CCBE1: variants seen among roughly 807,000 people sequenced by gnomAD.
CCBE1 encodes the protein collagen and calcium binding EGF domains 1, also known as collagen and calcium-binding EGF domain-containing protein 1.
A neutral mutation model predicts 50.0 loss-of-function variants in CCBE1; 37 were observed. That is an observed-to-expected ratio of 0.74 (90% CI 0.57 to 0.97). The LOEUF (loss-of-function observed/expected upper bound fraction) is 0.97. Among genes scored for constraint, CCBE1 ranks in the 50% least tolerant of loss-of-function variants. CCBE1 has a pLI of 0.00. For synonymous variants in CCBE1, 234 were observed against 203.7 expected, an observed-to-expected ratio of 1.15 and a Z score of -1.27; for missense variants, 538 against 523.8, an observed-to-expected ratio of 1.03 and a Z score of -0.26.
chr18:59,598,298 T>C (rs1414759218), intron 2 of CCBE1, among the ~76,000 whole-genome samples: 2 of 152,186 alleles, frequency 1.3e-5, no homozygotes, highest in Non-Finnish European at 2.9e-5. Flanking sequence ...TCTGTTGTGA[T>C]ACAGAAAGTC....
At chr18:59,474,697 T>C (rs766619207) in intron 3 of CCBE1, among the ~76,000 whole-genome samples, 1 of 152,196 alleles carries the variant, frequency 6.6e-6, no homozygotes, top group Admixed American at 6.5e-5. Context: ...AAAGGCAATA[T>C]CCTGTCTGTA....
intron 2 of CCBE1, among the ~76,000 whole-genome samples, chr18:59,665,478 C>T (rs565264079): frequency 3.0e-4 from 45 of 152,198 alleles, no homozygotes; most frequent in African/African-American, 8.7e-4. Context: ...AGCAATTTAA[C>T]GGGAAAATTC....
At chr18:59,560,079 G>T (rs1334660365) in intron 2 of CCBE1, among the ~76,000 whole-genome samples, 2 of 152,240 alleles carry the variant, frequency 1.3e-5, no homozygotes, top group African/African-American at 4.8e-5. Flanking sequence ...AGAAGCAGCA[G>T]TGCCCCTCTT....
At chr18:59,469,343 G>A (rs139776549) in intron 4 of CCBE1, 130 bp downstream of exon 4, 7 of 1,249,998 alleles carry the variant, frequency 5.6e-6, no homozygotes, top group African/African-American at 2.9e-5. Flanking sequence ...GCAGTGATAA[G>A]CTATCCCTAG....
At chr18:59,609,298 T>G (rs1389776263) in intron 2 of CCBE1, among the ~76,000 whole-genome samples, 1 of 152,226 alleles carries the variant, frequency 6.6e-6, no homozygotes, top group Non-Finnish European at 1.5e-5. Flanking sequence ...CAAATCTCTG[T>G]GCCCCAGACT....
At chr18:59,515,948 C>A (rs1356383711) in intron 2 of CCBE1, among the ~76,000 whole-genome samples, 16 of 151,934 alleles carry the variant, frequency 1.1e-4, no homozygotes. Flanking sequence ...GATGCTCAAG[C>A]AACATTTGTG....
intron 2 of CCBE1, among the ~76,000 whole-genome samples, chr18:59,628,994 T>A (rs969291259): frequency 6.6e-6 from 1 of 152,132 alleles, no homozygotes; most frequent in Non-Finnish European, 1.5e-5. Flanking sequence ...CACAGCCTCC[T>A]AAGGGATCCC....
chr18:59,468,936 C>T (rs1480731051), intron 4 of CCBE1, among the ~76,000 whole-genome samples: 7 of 151,772 alleles, frequency 4.6e-5, no homozygotes, highest in African/African-American at 1.2e-4. Flanking sequence ...GAAAATGAGC[C>T]ATAAAGCTGC....
chr18:59,469,325 G>T, intron 4 of CCBE1, 148 bp downstream of exon 4: 4 of 1,121,424 alleles, frequency 3.6e-6, no homozygotes, highest in South Asian at 1.3e-5. Context: ...TAGTAATTGT[G>T]ATGAAGGGCA....
At chr18:59,596,193 T>G (rs1359382981) in intron 2 of CCBE1, among the ~76,000 whole-genome samples, 3 of 152,174 alleles carry the variant, frequency 2.0e-5, no homozygotes, top group Non-Finnish European at 4.4e-5. Flanking sequence ...TTCAAAAGTG[T>G]AGCTCAAACC....
intron 2 of CCBE1, among the ~76,000 whole-genome samples, chr18:59,641,038 T>C (rs2053981863): frequency 6.6e-6 from 1 of 152,200 alleles, no homozygotes; most frequent in East Asian, 1.9e-4. Context: ...GGAATGTAAA[T>C]TAGTTCAGCC....
At chr18:59,499,953 AG>A (rs1244073893) in intron 2 of CCBE1, among the ~76,000 whole-genome samples, 1 of 152,126 alleles carries the variant, frequency 6.6e-6, no homozygotes, top group African/African-American at 2.4e-5. Flanking sequence ...ATTGGAGTTC[AG>A]GGGGCTTTGG....
intron 2 of CCBE1, among the ~76,000 whole-genome samples, chr18:59,598,966 A>C (rs1266673170): frequency 1.3e-5 from 2 of 152,186 alleles, no homozygotes; most frequent in African/African-American, 4.8e-5. Flanking sequence ...GAAACATCAA[A>C]TCCTTGTGAT....
chr18:59,599,303 C>T (rs2053398657), intron 2 of CCBE1, among the ~76,000 whole-genome samples: 2 of 152,134 alleles, frequency 1.3e-5, no homozygotes, highest in Admixed American at 6.5e-5. Context: ...ACCGTTAATT[C>T]ATAATCTTAT....
intron 3 of CCBE1, among the ~76,000 whole-genome samples, chr18:59,471,725 T>C (rs12961264): frequency 0.26 from 39,190 of 152,134 alleles, 5,604 homozygotes; most frequent in African/African-American, 0.37. Context: ...TCTTCATTTC[T>C]GACAGTGACA....
intron 3 of CCBE1, among the ~76,000 whole-genome samples, chr18:59,471,292 A>T (rs960306257): frequency 2.0e-5 from 3 of 152,166 alleles, no homozygotes; most frequent in African/African-American, 7.2e-5. Context: ...TGCATCTCTA[A>T]ATAGCTGACT....
chr18:59,600,733 T>C (rs2053417231), intron 2 of CCBE1, among the ~76,000 whole-genome samples: 1 of 152,178 alleles, frequency 6.6e-6, no homozygotes, highest in Non-Finnish European at 1.5e-5. Context: ...CTGGGGCTGG[T>C]TACCACCAAC....
chr18:59,494,937 T>C (rs928643273), intron 2 of CCBE1, among the ~76,000 whole-genome samples: 1 of 152,148 alleles, frequency 6.6e-6, no homozygotes, highest in Non-Finnish European at 1.5e-5. Context: ...GCAGATCACT[T>C]GAGGCCAGGA....
intron 2 of CCBE1, among the ~76,000 whole-genome samples, chr18:59,654,517 G>A (rs769662677): frequency 2.0e-5 from 3 of 152,128 alleles, no homozygotes; most frequent in Non-Finnish European, 4.4e-5. Context: ...CCAGCTACTC[G>A]GGAGACTGAG....
Sources: gnomAD v4.1 joint callset for allele counts (sites outside exome capture counted in the v4.1 genomes callset) on GRCh38, gnomAD v4.1.1 for gene constraint, MANE v1.5 for transcripts, NCBI Gene and HGNC (gene_info 2026-07-23, HGNC 2026-07-21) for gene names.